The following PCDHGA5 variants were observed in gnomAD, a reference collection of about 807,000 sequenced individuals.
The protein encoded by PCDHGA5 is protocadherin gamma subfamily A, 5.
PCDHGA5 carries 36 observed loss-of-function variants against 56.7 expected under a neutral mutation model. The observed-to-expected ratio is 0.64, with a 90% CI of 0.49 to 0.84. The LOEUF is 0.84. PCDHGA5 is among the 40% of genes least tolerant of loss of function. The pLI, the probability that PCDHGA5 is intolerant of heterozygous loss-of-function variation, is 0.00. For synonymous variants in PCDHGA5, 563 were observed against 520.2 expected, an observed-to-expected ratio of 1.08 and a Z score of -1.12; for missense variants, 1,305 against 1,201.5, an observed-to-expected ratio of 1.09 and a Z score of -1.27.
chr5:141,383,698 A>G lies in PCDHGA5; in HGVS notation c.2421+16947A>G, dbSNP rs376903516. 5.0e-6 allele frequency: 8 copies of G among 1,614,026 alleles called. No homozygotes were observed. Among genetic ancestry groups the G allele is most frequent in the South Asian group, 1.1e-5 (1 of 91,088 alleles). On this transcript the variant is annotated intron_variant, in intron 1 of 3. Transcript: ENST00000518069. ...TACAAGACTGCTCACGGTACATGCTATCGACCTGGACGAGGGAGTCAATGG... is the reference window on the plus strand; with the variant it reads ...TACAAGACTGCTCACGGTACATGCTGTCGACCTGGACGAGGGAGTCAATGG...
At position 141,489,545 on chromosome 5, in the gene PCDHGA5, G is replaced by A. The variant is rs1396651116; in HGVS notation, c.2422-5262G>A. On this transcript the variant is annotated intron_variant, in intron 1 of 3. Transcript: ENST00000518069. The surrounding 1 kb of genome is among the most constrained non-coding windows in gnomAD (Gnocchi z 4.5). ...AGCCTATGTGGAGCCAGCACCAGCT[G>A]CCTGCTGCCAGTGCAGGTGGTGACT... 3 of 1,613,984 alleles carry A rather than the reference G, an allele frequency of 1.9e-6. No individual in the cohort carries two copies. The highest frequency in any genetic ancestry group is 2.5e-6 in the Non-Finnish European group (3 of 1,180,022).
intron 1 of PCDHGA5, among the ~76,000 whole-genome samples, chr5:141,467,809 C>T (rs1026263094): frequency 6.6e-6 from 1 of 152,056 alleles, no homozygotes. Flanking sequence ...CAGGCACATG[C>T]CACCACACCA....
At chr5:141,413,637 G>T in intron 1 of PCDHGA5, 8 of 1,613,888 alleles carry the variant, frequency 5.0e-6, no homozygotes, top group Non-Finnish European at 6.8e-6. Context: ...CTGCGGGAAT[G>T]CGTTTTCCTC....
chr5:141,383,417 G>T lies in PCDHGA5; in HGVS notation c.2421+16666G>T. The T allele has an allele frequency of 1.9e-6, 3 of 1,614,014 alleles. No homozygotes were observed. In the South Asian group the frequency reaches 3.3e-5, roughly 18 times the overall value. On this transcript the variant is annotated intron_variant, in intron 1 of 3. Transcript: ENST00000518069. ...AACTCCCTCCAGAGTTACCAGCTCA[G>T]CCCCAATCGCCACTTCTCCCTGGCT...
At chr5:141,379,889 C>CTTTTTTATTTTTTTTTTTTTTTTTTTTTT (rs1775946036) in intron 1 of PCDHGA5, among the ~76,000 whole-genome samples, 1 of 50,830 alleles carries the variant, frequency 2.0e-5, no homozygotes, top group Non-Finnish European at 3.9e-5. Context: ...GTGAAAGCCT[C>CTTTTTTATTTTTTTTTTTTTTTTTTTTTT]TTTTTTTTTT....
chr5:141,400,129 C>T (rs530393607), intron 1 of PCDHGA5: 1 of 1,614,104 alleles, frequency 6.2e-7, no homozygotes, highest in Admixed American at 1.7e-5. Flanking sequence ...GCAGGAGGTG[C>T]TGCCGGATAT....
At chr5:141,405,648 G>T (rs936380418) in intron 1 of PCDHGA5, 5 of 523,616 alleles carry the variant, frequency 9.5e-6, no homozygotes, top group African/African-American at 3.9e-5. Context: ...CTAATTTTTT[G>T]TGTGTTTTTA....
intron 1 of PCDHGA5, chr5:141,414,666 A>G (rs1243321329): frequency 6.2e-7 from 1 of 1,614,002 alleles, no homozygotes; most frequent in Admixed American, 1.7e-5. Context: ...CCCTGGCTGA[A>G]GACACCATCC....
At chr5:141,376,186 C>T in intron 1 of PCDHGA5, 2 of 1,614,136 alleles carry the variant, frequency 1.2e-6, no homozygotes, top group Non-Finnish European at 1.7e-6. Flanking sequence ...CCGCGGTCTC[C>T]TGCGTCTTCC....
At chr5:141,392,859 CT>C in intron 1 of PCDHGA5, 1 of 1,612,504 alleles carries the variant, frequency 6.2e-7, no homozygotes, top group Non-Finnish European at 8.5e-7. Flanking sequence ...GCTGATCCTG[CT>C]GTGCGCGCTG....
chr5:141,393,727 A>C, intron 1 of PCDHGA5: 1 of 1,613,852 alleles, frequency 6.2e-7, no homozygotes, highest in Non-Finnish European at 8.5e-7. Flanking sequence ...TCAATAGCAA[A>C]AAGTCTAGAT....
At position 141,485,939 on chromosome 5, in the gene PCDHGA5, C is replaced by A; in HGVS notation, c.2422-8868C>A. ...CAGGATTAGTGTGTTGGAGAGCGCA[C>A]CAGCGGGCATGGTGCTCATCCAGCT... On this transcript the variant is annotated intron_variant, in intron 1 of 3. Transcript: ENST00000518069. This position sits in a 1 kb window ranked among gnomAD's most constrained non-coding sequence, Gnocchi z 5.7. 1 of 1,614,140 alleles carries A rather than the reference C, an allele frequency of 6.2e-7. No homozygotes were observed. The highest frequency in any genetic ancestry group is 8.5e-7 in the Non-Finnish European group (1 of 1,180,030).
intron 1 of PCDHGA5, among the ~76,000 whole-genome samples, chr5:141,444,402 C>T (rs916833331): frequency 6.6e-6 from 1 of 151,932 alleles, no homozygotes; most frequent in African/African-American, 2.4e-5. Flanking sequence ...AACTCCCAAC[C>T]TCAGGTGATC....
intron 1 of PCDHGA5, chr5:141,422,227 A>G: frequency 6.4e-7 from 1 of 1,566,716 alleles, no homozygotes; most frequent in Non-Finnish European, 8.6e-7. Context: ...CACCACGACG[A>G]TGTTGATCAC....
Position 141,366,268 on chromosome 5 carries a change from C to A in PCDHGA5, c.1938C>A (p.Val646=). ...TCAAGCAGAGCCTCGTGGTGGCCGT[C>A]GAAGACCATGGCCAGCCCCCTCTGT... ...DALKQSLVVA[V]EDHGQPPLSA... The change falls in exon 1 of 4, where the codon GTC becomes GTA. Residue 646 remains valine, a synonymous_variant. Coordinates refer to ENST00000518069, the MANE Select transcript of PCDHGA5 (RefSeq NM_018918.3). The A allele has an allele frequency of 2.5e-6, 4 of 1,613,720 alleles. No individual in the cohort carries two copies. Among genetic ancestry groups the A allele is most frequent in the Non-Finnish European group, 3.4e-6 (4 of 1,180,030 alleles).
intron 1 of PCDHGA5, chr5:141,423,696 T>A: frequency 4.0e-6 from 6 of 1,492,822 alleles, no homozygotes; most frequent in Non-Finnish European, 5.3e-6. Flanking sequence ...ATTGTTGGTG[T>A]CTTGGCACAA....
At chr5:141,419,741 A>G (rs769795920) in intron 1 of PCDHGA5, 1 of 1,613,856 alleles carries the variant, frequency 6.2e-7, no homozygotes. Context: ...CGAGGTGCGC[A>G]TGGTGCGTGC....
chr5:141,428,013 C>T, intron 1 of PCDHGA5: 4 of 1,603,660 alleles, frequency 2.5e-6, no homozygotes, highest in Non-Finnish European at 3.4e-6. Flanking sequence ...CGATATAGTG[C>T]CACGCGCCGC....
At position 141,389,010 on chromosome 5, in the gene PCDHGA5, C is replaced by G. The variant is rs141101630; in HGVS notation, c.2421+22259C>G. ...CAAAGTCCGTGACAAGGATTCCAGA[C>G]ACAATGGAGAAGTGACTTGTAAATT... On this transcript the variant is annotated intron_variant, in intron 1 of 3. Transcript: ENST00000518069. 227 of 1,613,980 alleles carry G rather than the reference C, an allele frequency of 1.4e-4. 1 individual carries two copies. In the African/African-American group the frequency reaches 2.6e-3, roughly 18 times the overall value.
Sources: gnomAD v4.1 joint callset for allele counts (sites outside exome capture counted in the v4.1 genomes callset) on GRCh38, gnomAD v4.1.1 for gene constraint, Gnocchi (gnomAD v3.1) non-coding constraint, MANE v1.5 for transcripts, NCBI Gene and HGNC (gene_info 2026-07-23, HGNC 2026-07-21) for gene names.